EFHC1: variants seen among roughly 807,000 people sequenced by gnomAD.
EFHC1 encodes EF-hand domain containing 1, also known as EF-hand domain-containing protein 1.
In EFHC1, 53 loss-of-function variants were observed where a neutral mutation model predicts 69.9. The observed-to-expected ratio is 0.76, with a 90% CI of 0.61 to 0.95. EFHC1 has a LOEUF of 0.95. EFHC1 is among the 40% of genes least tolerant of loss of function. The pLI is 0.00. For missense variants in EFHC1, 739 were observed against 798.7 expected (o/e 0.93, Z 0.90); for synonymous variants, 256 against 278.4 (o/e 0.92, Z 0.80).
At chr6:52,462,096 A>T (rs1206712982) in intron 5 of EFHC1, among the ~76,000 whole-genome samples, 1 of 152,008 alleles carries the variant, frequency 6.6e-6, no homozygotes. Flanking sequence ...CATTTAATAT[A>T]TATATGCTTA....
At chr6:52,469,777 T>C (rs962480728) in intron 7 of EFHC1, among the ~76,000 whole-genome samples, 3 of 152,220 alleles carry the variant, frequency 2.0e-5, no homozygotes, top group Admixed American at 1.3e-4. Context: ...TGAAATTGCT[T>C]AATATTCAAA....
intron 9 of EFHC1, chr6:52,484,724 T>C (rs1765751305): frequency 6.6e-6 from 1 of 152,184 alleles, no homozygotes; most frequent in Non-Finnish European, 1.5e-5. Flanking sequence ...AAAACCTTGA[T>C]CTAGGGCAAC....
Position 52,428,238 on chromosome 6 carries a change from A to G in EFHC1, c.285+4071A>G, listed in dbSNP as rs1164057671. The G allele has an allele frequency of 2.0e-5, 3 of 152,202 alleles. No individual in the cohort carries two copies. In the East Asian group the frequency reaches 5.8e-4, roughly 29 times the overall value. The allele number at this position is 152,202 out of a possible 1,614,324, so 9.4% of individuals were successfully genotyped here. ...ACTGGGGAACAGGTCGTGTTTGGTT[A>G]CATGAGTAAGTTCTATAGTGGTGAT... On this transcript the variant is annotated intron_variant, in intron 2 of 10. Transcript: ENST00000371068.
At chr6:52,460,727 GAA>G (rs1291707138) in intron 5 of EFHC1, among the ~76,000 whole-genome samples, 1 of 152,054 alleles carries the variant, frequency 6.6e-6, no homozygotes, top group Non-Finnish European at 1.5e-5. Flanking sequence ...AGAGTGCTGA[GAA>G]AAAAATAAGA....
intron 1 of EFHC1, among the ~76,000 whole-genome samples, chr6:52,422,093 G>T (rs1189978538): frequency 6.6e-6 from 1 of 152,256 alleles, no homozygotes; most frequent in Non-Finnish European, 1.5e-5. Context: ...CTAAAGACAT[G>T]CAGATAAGAA....
intron 2 of EFHC1, among the ~76,000 whole-genome samples, chr6:52,424,741 T>C (rs1764267671): frequency 1.3e-5 from 2 of 152,234 alleles, no homozygotes; most frequent in Admixed American, 1.3e-4. Flanking sequence ...CATTACCACA[T>C]CATTCTTGTT....
Position 52,469,456 on chromosome 6 carries a change from C to T in EFHC1, c.1261C>T (p.Arg421Cys), listed in dbSNP as rs144389178. 32 of 1,613,692 alleles carry T rather than the reference C, an allele frequency of 2.0e-5. No individual in the cohort carries two copies. The highest frequency in any genetic ancestry group is 1.6e-4 in the Middle Eastern group (1 of 6,078). Residue 421 changes from arginine (R) to cysteine (C), a missense_variant, in exon 7 of 11, where the codon CGT (arginine) becomes TGT (cysteine). By Grantham distance (180) the Arg-to-Cys change is radical. Transcript: ENST00000371068. ...KMLVNDNKVL[R>C]YLAVLESPIP... ...GCTGGTGAATGATAACAAGGTGCTT[C>T]GTTATTTGGCTGTACTGGTGAGGCT...
Position 52,464,883 on chromosome 6 carries a change from A to G in EFHC1, c.917-12A>G, listed in dbSNP as rs1489355186. The stretch of plus-strand genomic sequence containing the variant: ...TCCTTCTTTTTTTCTCTCTAACACC[A>G]TCTTATATTAGAGAACTTCCCTCAG... On this transcript the variant is annotated splice_polypyrimidine_tract_variant and intron_variant, in intron 5 of 10. Coordinates refer to ENST00000371068, the MANE Select transcript of EFHC1 (RefSeq NM_018100.4). The G allele has an allele frequency of 1.2e-6, 2 of 1,609,522 alleles. No homozygotes were observed. The highest frequency in any genetic ancestry group is 1.7e-5 in the Admixed American group (1 of 60,004).
Position 52,424,057 on chromosome 6 carries a change from C to G in EFHC1, c.175C>G (p.Gln59Glu). 1 of 1,614,134 alleles carries G rather than the reference C, an allele frequency of 6.2e-7. No homozygotes were observed. The highest frequency in any genetic ancestry group is 8.5e-7 in the Non-Finnish European group (1 of 1,180,030). Residue 59 changes from glutamine to glutamate, a missense_variant, in exon 2 of 11, where the codon CAG becomes GAG. Gln to Glu is a conservative substitution (Grantham distance 29). Coordinates refer to ENST00000371068, the MANE Select transcript of EFHC1 (RefSeq NM_018100.4). ...GDRLQFNQLS[Q>E]AELDELASKA... ...CCGGCTCCAGTTCAACCAGCTGTCC[C>G]AGGCTGAGCTGGATGAGTTGGCCAG... is the stretch of plus-strand genomic sequence containing the variant.
intron 1 of EFHC1, chr6:52,421,065 C>T (rs1764180698): frequency 1.0e-6 from 1 of 992,750 alleles, no homozygotes; most frequent in Non-Finnish European, 1.2e-6. Flanking sequence ...CTTCTTTCCG[C>T]CAGGTCTTTT....
At chr6:52,445,428 T>A (rs1002120140) in intron 3 of EFHC1, among the ~76,000 whole-genome samples, 10 of 151,840 alleles carry the variant, frequency 6.6e-5, no homozygotes, top group Admixed American at 2.0e-4. Flanking sequence ...TAGGTATATC[T>A]CCCAATGCTG....
intron 3 of EFHC1, among the ~76,000 whole-genome samples, chr6:52,439,023 A>G (rs897981740): frequency 1.3e-5 from 2 of 152,204 alleles, no homozygotes; most frequent in African/African-American, 4.8e-5. Flanking sequence ...TTTTTGGTAA[A>G]TGATACTTGC....
rs573877175 is a variant in EFHC1 at position 52,441,299 on chromosome 6, G to A, written c.573+2708G>A. On this transcript the variant is annotated intron_variant, in intron 3 of 10. Coordinates refer to ENST00000371068, the MANE Select transcript of EFHC1 (RefSeq NM_018100.4). ...CATTTAAGTCTTTTATCTATCTTGA[G>A]TTGATTTTTATATCTGGTGTAAGAT... Among the ~76,000 whole-genome samples, 76 of 152,164 alleles carry A rather than the reference G, an allele frequency of 5.0e-4. No homozygotes were observed. In the South Asian group the frequency reaches 0.016, roughly 31 times the overall value.
At chr6:52,469,771 A>G (rs561338199) in intron 7 of EFHC1, among the ~76,000 whole-genome samples, 14 of 152,292 alleles carry the variant, frequency 9.2e-5, no homozygotes, top group African/African-American at 3.4e-4. Context: ...TAACTATGAA[A>G]TTGCTTAATA....
At chr6:52,466,999 A>T (rs1765320333) in intron 6 of EFHC1, among the ~76,000 whole-genome samples, 1 of 151,992 alleles carries the variant, frequency 6.6e-6, no homozygotes, top group Admixed American at 6.6e-5. Flanking sequence ...TCTGCCCCCA[A>T]GTTTCTTGGC....
rs143254681 is a variant in EFHC1 at position 52,479,028 on chromosome 6, C to G, written c.1279-9C>G. 11 of 1,612,436 alleles carry G rather than the reference C, an allele frequency of 6.8e-6. No individual in the cohort carries two copies. Among genetic ancestry groups the G allele is most frequent in the Non-Finnish European group, 9.3e-6 (11 of 1,179,584 alleles). On this transcript the variant is annotated splice_polypyrimidine_tract_variant and intron_variant, in intron 7 of 10. Transcript: ENST00000371068. The stretch of plus-strand genomic sequence containing the variant: ...CCTTCATAATATCCTCTTTTCTTCA[C>G]CTTTGTAGGAATCCCCCATCCCAGA...
At chr6:52,474,267 G>C (rs1765499352) in intron 7 of EFHC1, among the ~76,000 whole-genome samples, 2 of 152,202 alleles carry the variant, frequency 1.3e-5, no homozygotes, top group African/African-American at 2.4e-5. Flanking sequence ...AGTGAGCTAT[G>C]ATCCTGCCAC....
At position 52,495,555 on chromosome 6, in the gene EFHC1, C is replaced by T. The variant is rs1212668458; in HGVS notation, c.*3214C>T. ...GGAGATTTAGGAAAGTCTCATTTAG[C>T]ATCCTCTAGCCTGCTTTTGGCTGTT... is the stretch of plus-strand genomic sequence containing the variant. On this transcript the variant is annotated 3_prime_UTR_variant, in exon 11 of 11. Coordinates refer to ENST00000371068, the MANE Select transcript of EFHC1 (RefSeq NM_018100.4). 6.6e-6 allele frequency: 3 copies of T among 453,946 alleles called. No homozygotes were observed. The highest frequency in any genetic ancestry group is 2.0e-5 in the African/African-American group (1 of 49,982). The allele number at this position is 453,946 out of a possible 1,614,324, so 28.1% of individuals were successfully genotyped here.
chr6:52,420,524 A>G (rs776751401), intron 1 of EFHC1, 51 bp downstream of exon 1: 1 of 1,611,478 alleles, frequency 6.2e-7, no homozygotes, highest in South Asian at 1.1e-5. Context: ...CCAGCAGCCC[A>G]GGAGGTTTCC....
Sources: allele counts gnomAD v4.1 joint callset (sites outside exome capture counted in the v4.1 genomes callset), GRCh38; gene constraint gnomAD v4.1.1; transcripts MANE v1.5; gene names NCBI Gene and HGNC (gene_info 2026-07-23, HGNC 2026-07-21).